Variants in MBD5 observed in about 807,000 individuals in gnomAD.
MBD5 encodes the protein methyl-CpG binding domain protein 5, also known as methyl-CpG-binding domain protein 5.
MBD5 carries 13 observed loss-of-function variants against 117.3 expected under a neutral mutation model. That is an observed-to-expected ratio of 0.11 (90% CI 0.07 to 0.18). The LOEUF is 0.18. Among genes scored for constraint, MBD5 ranks in the 10% least tolerant of loss-of-function variants. The probability of loss-of-function intolerance (pLI) is 1.00; values close to 1 mark genes in which losing one functional copy is unlikely to be tolerated. For missense variants in MBD5, 1,879 were observed against 2,093.8 expected (o/e 0.90, Z 2.00); for synonymous variants, 727 against 766.4 (o/e 0.95, Z 0.85).
intron 4 of MBD5, among the ~76,000 whole-genome samples, chr2:148,367,976 T>C (rs1006464773): frequency 1.2e-4 from 19 of 152,080 alleles, no homozygotes; most frequent in African/African-American, 4.6e-4. Context: ...CCATTACTGG[T>C]TATATACCCA....
At chr2:148,061,569 A>C (rs759080216) in intron 1 of MBD5, among the ~76,000 whole-genome samples, 14 of 152,006 alleles carry the variant, frequency 9.2e-5, no homozygotes, top group Non-Finnish European at 2.1e-4. Flanking sequence ...CATCATAATT[A>C]GCCATTCCCT....
At chr2:148,508,466 G>A (rs1176125176) in intron 12 of MBD5, among the ~76,000 whole-genome samples, 1 of 151,862 alleles carries the variant, frequency 6.6e-6, no homozygotes, top group Non-Finnish European at 1.5e-5. Flanking sequence ...ACTAAAAGTT[G>A]AGGGGGGAAG....
In MBD5 at chr2:148,340,459, G is replaced by A. The variant is rs369210773; in HGVS notation, c.-679-1755G>A. Among the ~76,000 whole-genome samples, 666 of 152,206 alleles carry A rather than the reference G, an allele frequency of 4.4e-3. 9 individuals carry two copies. The highest frequency in any genetic ancestry group is 0.015 in the African/African-American group (642 of 41,542). On this transcript the variant is annotated intron_variant, in intron 3 of 13. Coordinates refer to ENST00000642680, the MANE Select transcript of MBD5 (RefSeq NM_001378120.1). The stretch of plus-strand genomic sequence containing the variant: ...TTAACACAGTAGACTACTATGGCTT[G>A]ATGGGAGGTCTAATTTGAGTTTTTA...
chr2:148,064,264 C>T (rs1308284360), intron 1 of MBD5, among the ~76,000 whole-genome samples: 2 of 151,684 alleles, frequency 1.3e-5, no homozygotes, highest in African/African-American at 4.8e-5. Context: ...CACAGGTGCC[C>T]GCCACCACGC....
chr2:148,445,678 TA>T (rs1162001324), intron 4 of MBD5, among the ~76,000 whole-genome samples: 1 of 151,516 alleles, frequency 6.6e-6, no homozygotes, highest in East Asian at 1.9e-4. Context: ...GGTCAAATGG[TA>T]TTTCTAGTTC....
chr2:148,182,598 A>G (rs1244914053), intron 2 of MBD5, among the ~76,000 whole-genome samples: 2 of 152,230 alleles, frequency 1.3e-5, no homozygotes, highest in South Asian at 2.1e-4. Context: ...TGTTTCTTTT[A>G]ATGTGTGCTA....
intron 3 of MBD5, among the ~76,000 whole-genome samples, chr2:148,329,797 C>A (rs1489290409): frequency 6.6e-6 from 1 of 152,062 alleles, no homozygotes; most frequent in East Asian, 1.9e-4. Context: ...AGACTTTTAA[C>A]AGGGTACTTT....
intron 4 of MBD5, among the ~76,000 whole-genome samples, chr2:148,408,337 C>A (rs1344494395): frequency 6.6e-6 from 1 of 152,148 alleles, no homozygotes; most frequent in Non-Finnish European, 1.5e-5. Context: ...GTTTTAACCT[C>A]CAAGTCGTTC....
At chr2:148,060,652 CAGG>C (rs767497073) in intron 1 of MBD5, among the ~76,000 whole-genome samples, 2 of 152,118 alleles carry the variant, frequency 1.3e-5, no homozygotes, top group Non-Finnish European at 2.9e-5. Flanking sequence ...GAAGACTTCA[CAGG>C]AGAATTGGAA....
chr2:148,353,744 C>CTAATTTTTG (rs1203363696), intron 4 of MBD5, among the ~76,000 whole-genome samples: 1 of 151,926 alleles, frequency 6.6e-6, no homozygotes, highest in Admixed American at 6.6e-5. Flanking sequence ...GCAGGTACAG[C>CTAATTTTTG]TAATTTTTGT....
chr2:148,250,229 C>T (rs924862688), intron 3 of MBD5, among the ~76,000 whole-genome samples: 1 of 152,118 alleles, frequency 6.6e-6, no homozygotes, highest in African/African-American at 2.4e-5. Context: ...CCAAATACCA[C>T]ATGTTGTCAC....
In MBD5 at chr2:148,406,766, G is replaced by A. The variant is rs186290153; in HGVS notation, c.-556-51437G>A. On this transcript the variant is annotated intron_variant, in intron 4 of 13. Coordinates refer to ENST00000642680, the MANE Select transcript of MBD5 (RefSeq NM_001378120.1). ...ACCTACCCAGCTTTTGTCCAGCTCC[G>A]TAGTTTTTCGCATCCTGTTTCTGTT... Among the ~76,000 whole-genome samples the A allele has an allele frequency of 2.2e-4, 33 of 152,106 alleles. No homozygotes were observed. In the East Asian group the frequency reaches 6.2e-3, roughly 29 times the overall value.
chr2:148,139,442 G>T (rs1280002057), intron 1 of MBD5, among the ~76,000 whole-genome samples: 1 of 152,116 alleles, frequency 6.6e-6, no homozygotes, highest in Non-Finnish European at 1.5e-5. Flanking sequence ...CTGACCTCGG[G>T]TGATCTGCCC....
chr2:148,072,963 C>T (rs1573983679), intron 1 of MBD5, among the ~76,000 whole-genome samples: 1 of 151,954 alleles, frequency 6.6e-6, no homozygotes, highest in Admixed American at 6.6e-5. Context: ...AGCTTTTTAA[C>T]AAAAAATGAT....
chr2:148,359,287 G>A (rs1482752502), intron 4 of MBD5, among the ~76,000 whole-genome samples: 1 of 148,014 alleles, frequency 6.8e-6, no homozygotes, highest in African/African-American at 2.5e-5. Context: ...AAAAAAAATT[G>A]TAGTGTTTTA....
At chr2:148,501,572 T>A (rs947096474) in intron 11 of MBD5, among the ~76,000 whole-genome samples, 1 of 152,204 alleles carries the variant, frequency 6.6e-6, no homozygotes, top group Admixed American at 6.5e-5. Flanking sequence ...CCAAGTCACA[T>A]ACAAGTTTTC....
intron 1 of MBD5, among the ~76,000 whole-genome samples, chr2:148,153,318 C>T (rs916854174): frequency 3.3e-5 from 5 of 152,108 alleles, no homozygotes; most frequent in Non-Finnish European, 7.3e-5. Flanking sequence ...CACTGTTAGT[C>T]TGATGGGCTT....
intron 3 of MBD5, among the ~76,000 whole-genome samples, chr2:148,323,023 CTG>C (rs1291144590): frequency 1.4e-5 from 2 of 147,494 alleles, no homozygotes; most frequent in Non-Finnish European, 3.0e-5. Context: ...AGTCCCCAGA[CTG>C]TGATGTTCCC....
At chr2:148,074,507 G>GTTTTTTTTTTTTGT (rs11443189) in intron 1 of MBD5, among the ~76,000 whole-genome samples, 11,687 of 113,566 alleles carry the variant, frequency 0.1, 785 homozygotes, top group African/African-American at 0.15. Context: ...TTTTTTTTTT[G>GTTTTTTTTTTTTGT]TTTTTTTTTT....
Sources: gnomAD v4.1 joint callset for allele counts (sites outside exome capture counted in the v4.1 genomes callset) on GRCh38, gnomAD v4.1.1 for gene constraint, MANE v1.5 for transcripts, NCBI Gene and HGNC (gene_info 2026-07-23, HGNC 2026-07-21) for gene names.